CAMK1D: variants seen among roughly 807,000 people sequenced by gnomAD.
CAMK1D encodes the protein calcium/calmodulin dependent protein kinase ID.
A neutral mutation model predicts 47.7 loss-of-function variants in CAMK1D; 9 were observed. That is an observed-to-expected ratio of 0.19 (90% CI 0.11 to 0.33). CAMK1D has a LOEUF of 0.33. CAMK1D is among the 10% of genes least tolerant of loss of function. The probability of loss-of-function intolerance (pLI) is 1.00; values close to 1 mark genes in which losing one functional copy is unlikely to be tolerated. For missense variants in CAMK1D, 291 were observed against 488.7 expected (o/e 0.60, Z 3.81); for synonymous variants, 184 against 184.9 (o/e 0.99, Z 0.04).
intron 3 of CAMK1D, among the ~76,000 whole-genome samples, chr10:12,734,354 A>C (rs1225990235): frequency 2.4e-4 from 1 of 4,238 alleles, no homozygotes; most frequent in African/African-American, 4.8e-4. Flanking sequence ...AAATATATAT[A>C]TATATATATA....
chr10:12,387,203 CAAAA>C (rs1252530894), intron 1 of CAMK1D, among the ~76,000 whole-genome samples: 1 of 101,932 alleles, frequency 9.8e-6, no homozygotes, highest in Non-Finnish European at 2.0e-5. Context: ...GACTCCATCT[CAAAA>C]AAAAAAAAAA....
At chr10:12,808,190 A>T (rs1018410535) in intron 6 of CAMK1D, among the ~76,000 whole-genome samples, 3 of 152,138 alleles carry the variant, frequency 2.0e-5, no homozygotes, top group Non-Finnish European at 4.4e-5. Flanking sequence ...CTCCACTCCC[A>T]CAAAGCTGCT....
chr10:12,807,059 G>A (rs1034775410), intron 6 of CAMK1D, among the ~76,000 whole-genome samples: 7 of 152,106 alleles, frequency 4.6e-5, no homozygotes, highest in African/African-American at 1.4e-4. Flanking sequence ...CTGCTGTCCC[G>A]GTTTTCATGC....
intron 3 of CAMK1D, among the ~76,000 whole-genome samples, chr10:12,739,579 G>T (rs1307344898): frequency 6.6e-6 from 1 of 151,438 alleles, no homozygotes; most frequent in African/African-American, 2.4e-5. Flanking sequence ...GTGAGCCACC[G>T]CACCCGGCTG....
At chr10:12,593,454 G>A (rs1490877778) in intron 2 of CAMK1D, among the ~76,000 whole-genome samples, 1 of 152,168 alleles carries the variant, frequency 6.6e-6, no homozygotes, top group African/African-American at 2.4e-5. Context: ...GCCAGGCATG[G>A]TGGTGGGCAC....
At chr10:12,361,605 G>C (rs2131841523) in intron 1 of CAMK1D, among the ~76,000 whole-genome samples, 1 of 145,690 alleles carries the variant, frequency 6.9e-6, no homozygotes, top group Admixed American at 7.1e-5. Flanking sequence ...GCCCAGGCTG[G>C]AGTGCAGTGG....
At chr10:12,787,975 CA>C (rs979933356) in intron 5 of CAMK1D, among the ~76,000 whole-genome samples, 47 of 147,314 alleles carry the variant, frequency 3.2e-4, no homozygotes, top group African/African-American at 1.1e-3. Context: ...ACTCCATCTC[CA>C]AAAAAAAAAT....
chr10:12,406,722 C>CAAA (rs3061400), intron 1 of CAMK1D, among the ~76,000 whole-genome samples: 6,025 of 68,552 alleles, frequency 0.088, 998 homozygotes, highest in Non-Finnish European at 0.11. Flanking sequence ...GACCCTGTCT[C>CAAA]AAAAAAAAAA....
chr10:12,354,341 A>C (rs571890556), intron 1 of CAMK1D, among the ~76,000 whole-genome samples: 25 of 151,258 alleles, frequency 1.7e-4, no homozygotes, highest in African/African-American at 5.6e-4. Context: ...GACCTACATT[A>C]CCTTCTCCCT....
At chr10:12,720,774 C>T (rs760112152) in intron 3 of CAMK1D, among the ~76,000 whole-genome samples, 1 of 152,214 alleles carries the variant, frequency 6.6e-6, no homozygotes, top group African/African-American at 2.4e-5. Context: ...GGGTTTTCCT[C>T]TCCACGGTAA....
In CAMK1D at chr10:12,645,000, C is replaced by CTT. The variant is rs5783281; in HGVS notation, c.225-21725_225-21724dup. Among the ~76,000 whole-genome samples, 479 of 149,186 alleles carry CTT rather than the reference C, an allele frequency of 3.2e-3. 2 individuals are homozygous for CTT. Among genetic ancestry groups the CTT allele is most frequent in the African/African-American group, 9.4e-3 (384 of 40,812 alleles). On this transcript the variant is annotated intron_variant, in intron 2 of 10. Coordinates refer to ENST00000619168, the MANE Select transcript of CAMK1D (RefSeq NM_153498.4). ...CCTTCACAGTGGTTTGAATTTGTGA[C>CTT]TTTTTTTTTTTTGCAAAGCAGTTGC...
intron 1 of CAMK1D, among the ~76,000 whole-genome samples, chr10:12,355,475 T>TGTGC (rs1554757818): frequency 6.6e-6 from 1 of 151,348 alleles, no homozygotes; most frequent in African/African-American, 2.4e-5. Context: ...TGTGTGTGTG[T>TGTGC]GCGCGCGCGT....
chr10:12,474,196 G>GTTTTT (rs1252576471), intron 1 of CAMK1D, among the ~76,000 whole-genome samples: 1 of 117,736 alleles, frequency 8.5e-6, no homozygotes, highest in African/African-American at 3.2e-5. Flanking sequence ...AATGAGGATC[G>GTTTTT]TTCTTTTTTT....
intron 6 of CAMK1D, among the ~76,000 whole-genome samples, chr10:12,803,901 C>G (rs1838597182): frequency 6.6e-6 from 1 of 152,158 alleles, no homozygotes; most frequent in Non-Finnish European, 1.5e-5. Flanking sequence ...TACTTTTCAG[C>G]TTCTGATTTG....
intron 1 of CAMK1D, among the ~76,000 whole-genome samples, chr10:12,383,627 C>T (rs928185887): frequency 1.3e-5 from 2 of 152,132 alleles, no homozygotes; most frequent in East Asian, 1.9e-4. Context: ...TGTAAGATAA[C>T]TAAATATTAA....
chr10:12,380,418 G>A (rs894769974), intron 1 of CAMK1D, among the ~76,000 whole-genome samples: 3 of 152,194 alleles, frequency 2.0e-5, no homozygotes, highest in African/African-American at 4.8e-5. Flanking sequence ...TGATTATTGA[G>A]TTTGACAACC....
At chr10:12,401,895 CTA>C (rs10635900) in intron 1 of CAMK1D, among the ~76,000 whole-genome samples, 1,606 of 146,012 alleles carry the variant, frequency 0.011, 24 homozygotes, top group African/African-American at 0.038. Context: ...TATTCTCAGA[CTA>C]TATATATATA....
At chr10:12,563,689 GA>G (rs1311896378) in intron 2 of CAMK1D, among the ~76,000 whole-genome samples, 2 of 69,854 alleles carry the variant, frequency 2.9e-5, no homozygotes. Flanking sequence ...GAGAGAGAGA[GA>G]GAGAGAGAGG....
At chr10:12,445,614 C>T (rs569339509) in intron 1 of CAMK1D, among the ~76,000 whole-genome samples, 64 of 152,242 alleles carry the variant, frequency 4.2e-4, no homozygotes, top group African/African-American at 1.3e-3. Flanking sequence ...TTCCCAAGGC[C>T]GTTTTCCCCA....
Sources: gnomAD v4.1 joint callset for allele counts (sites outside exome capture counted in the v4.1 genomes callset) on GRCh38, gnomAD v4.1.1 for gene constraint, MANE v1.5 for transcripts, NCBI Gene and HGNC (gene_info 2026-07-23, HGNC 2026-07-21) for gene names.